The following STX8 variants were observed in gnomAD, a reference collection of about 807,000 sequenced individuals.
The protein encoded by STX8 is syntaxin-8.
A neutral mutation model predicts 37.5 loss-of-function variants in STX8; 23 were observed. That is an observed-to-expected ratio of 0.61 (90% CI 0.44 to 0.87). The LOEUF (loss-of-function observed/expected upper bound fraction) is 0.87. Among genes scored for constraint, STX8 ranks in the 40% least tolerant of loss-of-function variants. The pLI, the probability that STX8 is intolerant of heterozygous loss-of-function variation, is 0.00. For synonymous variants in STX8, 115 were observed against 99.1 expected (o/e 1.16, Z -0.95); for missense variants, 313 against 284.7 (o/e 1.10, Z -0.71).
At chr17:9,331,681 C>T (rs1909966267) in intron 7 of STX8, among the ~76,000 whole-genome samples, 1 of 152,186 alleles carries the variant, frequency 6.6e-6, no homozygotes, top group African/African-American at 2.4e-5. Context: ...CTGCTTTCCC[C>T]AATGAGTCCT....
chr17:9,280,011 A>C (rs931958076), intron 7 of STX8, among the ~76,000 whole-genome samples: 8 of 152,330 alleles, frequency 5.3e-5, no homozygotes, highest in Admixed American at 1.3e-4. Flanking sequence ...ACTTGAGCCC[A>C]GGCATTTGAG....
intron 7 of STX8, among the ~76,000 whole-genome samples, chr17:9,349,675 TAATAA>T (rs778316330): frequency 1.1e-4 from 16 of 151,962 alleles, no homozygotes; most frequent in Non-Finnish European, 1.9e-4. Flanking sequence ...CCATAACTAA[TAATAA>T]AATAGAACAA....
chr17:9,355,941 C>G (rs776962564), intron 7 of STX8, among the ~76,000 whole-genome samples: 2 of 152,152 alleles, frequency 1.3e-5, no homozygotes, highest in African/African-American at 2.4e-5. Flanking sequence ...CAAAAGCCAC[C>G]AGGCCCAGCC....
At chr17:9,491,419 C>G (rs1211235435) in intron 6 of STX8, among the ~76,000 whole-genome samples, 1 of 152,128 alleles carries the variant, frequency 6.6e-6, no homozygotes, top group Non-Finnish European at 1.5e-5. Flanking sequence ...GAACAAAGAT[C>G]TTCAAACCCT....
chr17:9,508,714 C>A (rs944317376), intron 4 of STX8, among the ~76,000 whole-genome samples: 4 of 152,150 alleles, frequency 2.6e-5, no homozygotes, highest in African/African-American at 9.7e-5. Flanking sequence ...AGAAAGCCTA[C>A]AGAATTCATG....
At chr17:9,380,768 C>T (rs2142287766) in intron 6 of STX8, among the ~76,000 whole-genome samples, 1 of 133,750 alleles carries the variant, frequency 7.5e-6, no homozygotes, top group African/African-American at 2.8e-5. Flanking sequence ...GGCTGGAGTG[C>T]AGTGGTGTCA....
intron 7 of STX8, among the ~76,000 whole-genome samples, chr17:9,270,245 CTTTT>C (rs1907400919): frequency 6.6e-6 from 1 of 152,138 alleles, no homozygotes; most frequent in Non-Finnish European, 1.5e-5. Context: ...AAAGGACTTT[CTTTT>C]TTCTTTTCTT....
intron 6 of STX8, among the ~76,000 whole-genome samples, chr17:9,417,149 T>C (rs1216287043): frequency 6.6e-6 from 1 of 152,212 alleles, no homozygotes; most frequent in Non-Finnish European, 1.5e-5. Context: ...GGAAGCTGAT[T>C]TGAGTAATCA....
Position 9,250,642 on chromosome 17 carries a change from A to G in STX8, c.647T>C (p.Met216Thr), listed in dbSNP as rs746088110. The change falls in exon 8 of 8, where the codon ATG (methionine) becomes ACG (threonine). Residue 216 changes from methionine (M) to threonine (T), a missense_variant. Met to Thr is a moderately conservative substitution (Grantham distance 81). Transcript: ENST00000306357. The part of the protein sequence containing the change: ...MVDRKSASCG[M>T]IMVILLLLVA... ...AAGCAGCAGTAAAATCACCATGATC[A>G]TCCCTGGAAAAAAGCAGCAGAAAAT... The G allele has an allele frequency of 1.3e-6, 2 of 1,595,534 alleles. No individual in the cohort carries two copies. The highest frequency in any genetic ancestry group is 1.3e-5 in the African/African-American group (1 of 74,906).
intron 4 of STX8, among the ~76,000 whole-genome samples, chr17:9,506,415 C>CG (rs1555532635): frequency 3.1e-5 from 3 of 96,444 alleles, no homozygotes; most frequent in East Asian, 8.6e-4. Flanking sequence ...GCTCCCCCCC[C>CG]CCCCCACCCA....
intron 7 of STX8, among the ~76,000 whole-genome samples, chr17:9,371,102 A>T (rs1911388636): frequency 6.6e-6 from 1 of 152,162 alleles, no homozygotes; most frequent in Non-Finnish European, 1.5e-5. Flanking sequence ...AAACAAATTC[A>T]TCATCGGGCC....
At chr17:9,383,511 G>A (rs1460542806) in intron 6 of STX8, among the ~76,000 whole-genome samples, 1 of 152,190 alleles carries the variant, frequency 6.6e-6, no homozygotes, top group Non-Finnish European at 1.5e-5. Flanking sequence ...AACTCTCAGA[G>A]CTAACATCAT....
intron 4 of STX8, among the ~76,000 whole-genome samples, chr17:9,508,690 G>C (rs1904927506): frequency 6.6e-6 from 1 of 152,182 alleles, no homozygotes; most frequent in Non-Finnish European, 1.5e-5. Context: ...GGAAGAAAAA[G>C]TAAAATGGAA....
intron 6 of STX8, among the ~76,000 whole-genome samples, chr17:9,379,488 G>A (rs965496555): frequency 6.6e-6 from 1 of 152,162 alleles, no homozygotes; most frequent in Admixed American, 6.5e-5. Flanking sequence ...TTAGTCAGTG[G>A]TTGCGAGTGG....
intron 7 of STX8, among the ~76,000 whole-genome samples, chr17:9,320,709 A>G (rs889440403): frequency 3.3e-5 from 5 of 151,340 alleles, no homozygotes; most frequent in African/African-American, 9.8e-5. Context: ...CCTGGCTAAC[A>G]TGGTGAAACC....
At chr17:9,410,798 T>C (rs1912952451) in intron 6 of STX8, among the ~76,000 whole-genome samples, 1 of 152,216 alleles carries the variant, frequency 6.6e-6, no homozygotes, top group African/African-American at 2.4e-5. Context: ...TACATTTTTT[T>C]CCTAAAATGT....
intron 6 of STX8, among the ~76,000 whole-genome samples, chr17:9,439,433 A>G (rs978762779): frequency 6.6e-6 from 1 of 152,176 alleles, no homozygotes; most frequent in East Asian, 1.9e-4. Flanking sequence ...TAAAAAATTG[A>G]TATCAGTTTG....
chr17:9,478,710 G>C (rs1906196161), intron 6 of STX8, among the ~76,000 whole-genome samples: 1 of 152,108 alleles, frequency 6.6e-6, no homozygotes. Context: ...CATGATTCTT[G>C]TCACTTGCTG....
At chr17:9,334,198 G>A (rs928112560) in intron 7 of STX8, among the ~76,000 whole-genome samples, 7 of 152,182 alleles carry the variant, frequency 4.6e-5, no homozygotes, top group Admixed American at 3.3e-4. Context: ...CTCAATCTGG[G>A]TGGTGCCGGT....
Sources: gnomAD v4.1 joint callset for allele counts (sites outside exome capture counted in the v4.1 genomes callset) on GRCh38, gnomAD v4.1.1 for gene constraint, MANE v1.5 for transcripts, NCBI Gene and HGNC (gene_info 2026-07-23, HGNC 2026-07-21) for gene names.